Variants in TCF20 observed in about 807,000 individuals in gnomAD.
TCF20 encodes SPRE-binding protein.
A neutral mutation model predicts 148.6 loss-of-function variants in TCF20; 3 were observed. The observed-to-expected ratio is 0.02, with a 90% CI of 0.01 to 0.05. TCF20 has a LOEUF of 0.05. TCF20 is among the 10% of genes least tolerant of loss of function. The pLI, the probability that TCF20 is intolerant of heterozygous loss-of-function variation, is 1.00. For missense variants in TCF20, 2,350 were observed against 2,429.3 expected (o/e 0.97, Z 0.69); for synonymous variants, 1,049 against 909.5 (o/e 1.15, Z -2.76).
At chr22:42,325,685 G>A (rs978998967) in intron 1 of TCF20, among the ~76,000 whole-genome samples, 13 of 152,186 alleles carry the variant, frequency 8.5e-5, no homozygotes, top group Non-Finnish European at 1.5e-4. Flanking sequence ...GGTAGAAGCT[G>A]GGCCGCACCC....
At chr22:42,266,722 T>A (rs2080824345) in intron 1 of TCF20, among the ~76,000 whole-genome samples, 1 of 151,708 alleles carries the variant, frequency 6.6e-6, no homozygotes, top group Non-Finnish European at 1.5e-5. Context: ...AAGGTTGCAG[T>A]GAGCAGAGAC....
At chr22:42,320,614 T>C (rs888134338) in intron 1 of TCF20, among the ~76,000 whole-genome samples, 3 of 152,236 alleles carry the variant, frequency 2.0e-5, no homozygotes, top group African/African-American at 7.2e-5. Context: ...GTTGCATTCC[T>C]GCTGTATCTC....
chr22:42,213,071 T>C lies in TCF20; in HGVS notation c.2235A>G (p.Arg745=). The C allele has an allele frequency of 6.2e-7, 1 of 1,614,160 alleles. No individual in the cohort carries two copies. The highest frequency in any genetic ancestry group is 8.5e-7 in the Non-Finnish European group (1 of 1,180,022). The change falls in exon 2 of 6, where the codon AGA becomes AGG. Residue 745 remains arginine, a synonymous_variant. Coordinates refer to ENST00000677622, the MANE Select transcript of TCF20 (RefSeq NM_001378418.1). ...DFTGHGERKG[R]NEKFPSLLQE... Reference sequence around the variant, plus strand: ...GCAGGAGGCTTGGGAATTTTTCATTTCTACCCTTTCGTTCCCCATGGCCAG... The same window carrying C: ...GCAGGAGGCTTGGGAATTTTTCATTCCTACCCTTTCGTTCCCCATGGCCAG...
Position 42,213,255 on chromosome 22 carries a change from C to T in TCF20, c.2051G>A (p.Gly684Asp). The change falls in exon 2 of 6, where the codon GGC (glycine) becomes GAC (aspartate). Residue 684 changes from glycine (G) to aspartate (D), a missense_variant. Around this residue, in one of 7 missense-constraint regions of TCF20, gnomAD observed 1,641 missense variants for 1,662.6 expected, o/e 0.99. Transcript: ENST00000677622. Reference sequence around the variant, plus strand: ...AAAACCAGGGCCCGCTGCAGAGTGGCCACTCTGGCCATTTCCTTCTCCATT... The same window carrying T: ...AAAACCAGGGCCCGCTGCAGAGTGGTCACTCTGGCCATTTCCTTCTCCATT... Reference protein sequence around the residue: ...NHNGEGNGQSGHSAAGPGFTS... With the variant: ...NHNGEGNGQSDHSAAGPGFTS... 6.2e-7 allele frequency: 1 copy of T among 1,614,146 alleles called. No individual in the cohort carries two copies. Among genetic ancestry groups the T allele is most frequent in the South Asian group, 1.1e-5 (1 of 91,076 alleles).
At chr22:42,171,123 A>G (rs1267077080) in intron 3 of TCF20, among the ~76,000 whole-genome samples, 2 of 152,230 alleles carry the variant, frequency 1.3e-5, no homozygotes, top group Non-Finnish European at 2.9e-5. Context: ...AGGTGAGCTG[A>G]GCTCTCACAC....
At chr22:42,331,781 C>T (rs1176835111) in intron 1 of TCF20, among the ~76,000 whole-genome samples, 1 of 152,234 alleles carries the variant, frequency 6.6e-6, no homozygotes, top group Non-Finnish European at 1.5e-5. Flanking sequence ...TGTAAGCCAG[C>T]CCACTTGCCT....
chr22:42,251,142 G>T lies in TCF20; in HGVS notation c.-37+19197C>A, dbSNP rs534854108. On this transcript the variant is annotated intron_variant, in intron 1 of 5. Coordinates refer to ENST00000677622, the MANE Select transcript of TCF20 (RefSeq NM_001378418.1). ...AACTATATTAAGTGGCCTATGAAGTGTTGTCATGTTTTTGTTTCTCAAATA... is the reference window on the plus strand; with the variant it reads ...AACTATATTAAGTGGCCTATGAAGTTTTGTCATGTTTTTGTTTCTCAAATA... Among the ~76,000 whole-genome samples the T allele has an allele frequency of 2.6e-5, 4 of 152,230 alleles. No homozygotes were observed. In the East Asian group the frequency reaches 7.7e-4, roughly 29 times the overall value.
In TCF20 at chr22:42,304,250, C is replaced by T. The variant is rs1217507444; in HGVS notation, c.-37+39229G>A. Reference sequence around the variant, plus strand: ...CGCCCCGCCTTAGCTGCCCGTTCCACGGAAAAGATCAAAGCTGTGCTAGAT... The same window carrying T: ...CGCCCCGCCTTAGCTGCCCGTTCCATGGAAAAGATCAAAGCTGTGCTAGAT... On this transcript the variant is annotated intron_variant, in intron 1 of 1. Coordinates refer to the TCF20 transcript ENST00000515426. 5.3e-5 allele frequency among the ~76,000 whole-genome samples: 8 copies of T among 152,182 alleles called. No homozygotes were observed. The East Asian group carries it at 7.7e-4, about 15-fold the overall frequency.
intron 1 of TCF20, among the ~76,000 whole-genome samples, chr22:42,326,242 C>A (rs1481652474): frequency 6.6e-6 from 1 of 152,146 alleles, no homozygotes; most frequent in East Asian, 1.9e-4. Flanking sequence ...CCCGTGAGAT[C>A]ACCTGAGGCC....
At chr22:42,267,291 A>G (rs1244954916) in intron 1 of TCF20, among the ~76,000 whole-genome samples, 2 of 152,180 alleles carry the variant, frequency 1.3e-5, no homozygotes, top group Admixed American at 1.3e-4. Context: ...AAAAAACAAA[A>G]CCAATTTGAG....
chr22:42,203,102 T>C (rs1331291802), intron 2 of TCF20, among the ~76,000 whole-genome samples: 1 of 152,176 alleles, frequency 6.6e-6, no homozygotes, highest in African/African-American at 2.4e-5. Context: ...TTGTGGCTTG[T>C]TTATCAATAT....
chr22:42,261,555 A>AT (rs535424485), intron 1 of TCF20, among the ~76,000 whole-genome samples: 2,633 of 149,068 alleles, frequency 0.018, 63 homozygotes, highest in African/African-American at 0.059. Flanking sequence ...TTCATTCTAC[A>AT]TTTTTTTTTT....
chr22:42,330,339 T>C (rs753468588), intron 1 of TCF20, among the ~76,000 whole-genome samples: 39 of 152,176 alleles, frequency 2.6e-4, no homozygotes, highest in Admixed American at 5.9e-4. Context: ...CACTGACGTT[T>C]GCAGTGTCCC....
At position 42,232,805 on chromosome 22, in the gene TCF20, G is replaced by GAA. The variant is rs373162435; in HGVS notation, c.-36-17466_-36-17465dup. ...CAGAGCAAGACTCCGTCTCCAAAAA[G>GAA]AAAAAAAAAAAAAAAAACTAGTTTG... On this transcript the variant is annotated intron_variant, in intron 1 of 5. Transcript: ENST00000677622. Among the ~76,000 whole-genome samples the GAA allele has an allele frequency of 4.1e-3, 533 of 131,378 alleles. 8 individuals carry two copies. The highest frequency in any genetic ancestry group is 8.2e-3 in the Middle Eastern group (2 of 244). 86.2% of individuals were successfully genotyped at this position (131,378 alleles called of 152,430 possible).
chr22:42,225,175 T>TA (rs1922760559), intron 1 of TCF20, among the ~76,000 whole-genome samples: 2 of 152,002 alleles, frequency 1.3e-5, no homozygotes, highest in Admixed American at 6.5e-5. Flanking sequence ...TTTGTATTTT[T>TA]AGTAGAGACA....
intron 1 of TCF20, among the ~76,000 whole-genome samples, chr22:42,324,643 T>C (rs1488704687): frequency 7.3e-6 from 1 of 136,568 alleles, no homozygotes. Flanking sequence ...TCTCCACCAT[T>C]CGAGAAAAAA....
intron 1 of TCF20, among the ~76,000 whole-genome samples, chr22:42,335,394 C>A (rs1424608499): frequency 6.6e-6 from 1 of 152,190 alleles, no homozygotes; most frequent in African/African-American, 2.4e-5. Flanking sequence ...CACCTGTTTG[C>A]TGTCTGTCAC....
chr22:42,281,511 C>T (rs1055273353), intron 1 of TCF20, among the ~76,000 whole-genome samples: 6 of 152,330 alleles, frequency 3.9e-5, no homozygotes, highest in South Asian at 4.1e-4. Context: ...GAGTGCAACC[C>T]GCCTCTTACA....
At chr22:42,267,700 A>G (rs1926362504) in intron 1 of TCF20, among the ~76,000 whole-genome samples, 1 of 151,880 alleles carries the variant, frequency 6.6e-6, no homozygotes, top group South Asian at 2.1e-4. Flanking sequence ...ACTCTGTCTC[A>G]AAAAAACAAA....
Sources: allele counts gnomAD v4.1 joint callset (sites outside exome capture counted in the v4.1 genomes callset), GRCh38; gene constraint gnomAD v4.1.1; regional missense constraint gnomAD v4.1.1; transcripts MANE v1.5; gene names NCBI Gene and HGNC (gene_info 2026-07-23, HGNC 2026-07-21).